The following CEMIP variants were observed in gnomAD, a reference collection of about 807,000 sequenced individuals.
CEMIP encodes the protein cell migration-inducing and hyaluronan-binding protein.
In CEMIP, 105 loss-of-function variants were observed where a neutral mutation model predicts 156.9. The observed-to-expected ratio is 0.67, with a 90% CI of 0.57 to 0.79. CEMIP has a LOEUF of 0.79. Ranked by LOEUF, CEMIP falls within the 30% of genes least tolerant of loss-of-function variation. The pLI is 0.00. For missense variants in CEMIP, 1,457 were observed against 1,769.4 expected (o/e 0.82, Z 3.17); for synonymous variants, 676 against 668.4 (o/e 1.01, Z -0.17).
Position 80,937,891 on chromosome 15 carries a change from A to T in CEMIP, c.3319A>T (p.Thr1107Ser). The change falls in exon 25 of 30, where the codon ACG becomes TCG. Residue 1107 changes from threonine (T) to serine (S), a missense_variant. This residue lies in a region of CEMIP where 798 missense variants were observed against 980.1 expected (regional missense o/e 0.81). Coordinates refer to ENST00000394685, the MANE Select transcript of CEMIP (RefSeq NM_001293298.2). ...HNRLLKQTSK[T>S]GVFVRTLQMD... ...TCGCCTGCTGAAGCAAACGTCCAAG[A>T]CGGGCGTCTTCGTGAGGACCTTGCA... The T allele has an allele frequency of 1.2e-6, 2 of 1,614,170 alleles. No individual in the cohort carries two copies. Among genetic ancestry groups the T allele is most frequent in the Non-Finnish European group, 1.7e-6 (2 of 1,180,036 alleles).
At chr15:80,896,176 A>G (rs1899217107) in intron 12 of CEMIP, 116 bp downstream of exon 12, 2 of 1,059,358 alleles carry the variant, frequency 1.9e-6, no homozygotes, top group Non-Finnish European at 2.9e-6. Context: ...ATAATGCTGC[A>G]TAACAAAAAA....
intron 1 of CEMIP, among the ~76,000 whole-genome samples, chr15:80,808,501 C>G (rs985838935): frequency 6.6e-6 from 1 of 152,088 alleles, no homozygotes; most frequent in Non-Finnish European, 1.5e-5. Context: ...TCTACCTGTA[C>G]CACACCTGTG....
At position 80,824,684 on chromosome 15, in the gene CEMIP, G is replaced by A. The variant is rs115396148; in HGVS notation, c.-176+45070G>A. ...AGCAGCCTGGCCCAACAGGGTGGCC[G>A]GTTCTTTAATATTGTCTTGATTCAC... On this transcript the variant is annotated intron_variant, in intron 1 of 29. Coordinates refer to ENST00000394685, the MANE Select transcript of CEMIP (RefSeq NM_001293298.2). Among the ~76,000 whole-genome samples the A allele has an allele frequency of 7.7e-3, 1,175 of 152,292 alleles. 16 individuals are homozygous for A. The highest frequency in any genetic ancestry group is 0.026 in the African/African-American group (1,090 of 41,556).
Position 80,840,662 on chromosome 15 carries a change from C to T in CEMIP, c.-175-32876C>T, listed in dbSNP as rs536877976. On this transcript the variant is annotated intron_variant, in intron 1 of 29. Coordinates refer to ENST00000394685, the MANE Select transcript of CEMIP (RefSeq NM_001293298.2). Reference sequence around the variant, plus strand: ...GCTGGACTGCTGGGTGTCCCTGGCCCGAGGCGTGGGAGGCCGGCCCTGGGC... The same window carrying T: ...GCTGGACTGCTGGGTGTCCCTGGCCTGAGGCGTGGGAGGCCGGCCCTGGGC... 3.9e-5 allele frequency among the ~76,000 whole-genome samples: 6 copies of T among 152,266 alleles called. No homozygotes were observed. In the South Asian group the frequency reaches 8.3e-4, roughly 21 times the overall value.
At chr15:80,826,776 G>GCTT (rs1221067187) in intron 1 of CEMIP, among the ~76,000 whole-genome samples, 2 of 152,154 alleles carry the variant, frequency 1.3e-5, no homozygotes, top group African/African-American at 4.8e-5. Context: ...TGGCATTCAT[G>GCTT]CTTCAGTGTG....
At chr15:80,835,853 T>G (rs2141690531) in intron 1 of CEMIP, among the ~76,000 whole-genome samples, 1 of 152,284 alleles carries the variant, frequency 6.6e-6, no homozygotes, top group Middle Eastern at 3.4e-3. Context: ...AGATTACAGC[T>G]TTGCCCCAAC....
intron 12 of CEMIP, chr15:80,901,054 A>T: frequency 2.3e-6 from 1 of 443,668 alleles, no homozygotes; most frequent in South Asian, 1.6e-5. Flanking sequence ...CCACAGTATG[A>T]TTACCAACAC....
chr15:80,785,758 C>T (rs1187490826), intron 1 of CEMIP, among the ~76,000 whole-genome samples: 1 of 152,178 alleles, frequency 6.6e-6, no homozygotes, highest in Admixed American at 6.5e-5. Flanking sequence ...AAGGCCTAAA[C>T]CCCTTACTTC....
intron 1 of CEMIP, among the ~76,000 whole-genome samples, chr15:80,801,365 G>C (rs1280824866): frequency 1.3e-5 from 2 of 152,210 alleles, no homozygotes; most frequent in Non-Finnish European, 2.9e-5. Context: ...GCATTGGCTA[G>C]CTCTCAATTC....
chr15:80,780,940 C>G (rs1238110797), intron 1 of CEMIP, among the ~76,000 whole-genome samples: 1 of 152,298 alleles, frequency 6.6e-6, no homozygotes, highest in Non-Finnish European at 1.5e-5. Flanking sequence ...ACTCAGGAGG[C>G]AGCCCAGCCC....
At chr15:80,800,282 G>A (rs1896343604) in intron 1 of CEMIP, among the ~76,000 whole-genome samples, 1 of 152,090 alleles carries the variant, frequency 6.6e-6, no homozygotes, top group African/African-American at 2.4e-5. Context: ...GTCGTATGGT[G>A]GGGTGTGGTT....
At chr15:80,780,283 G>A (rs1261558239) in intron 1 of CEMIP, among the ~76,000 whole-genome samples, 1 of 152,246 alleles carries the variant, frequency 6.6e-6, no homozygotes, top group Non-Finnish European at 1.5e-5. Flanking sequence ...AAGAAGGTCT[G>A]GTGGTCCCTG....
rs942104289 is a variant in CEMIP at position 80,866,516 on chromosome 15, G to A, written c.-175-7022G>A. On this transcript the variant is annotated intron_variant, in intron 1 of 29. Coordinates refer to ENST00000394685, the MANE Select transcript of CEMIP (RefSeq NM_001293298.2). ...CTGAGGCAGAGAATTGCTTGAACTCGGGAGGCAGAGGTTGCAGTGAGCTGA... is the reference window on the plus strand; with the variant it reads ...CTGAGGCAGAGAATTGCTTGAACTCAGGAGGCAGAGGTTGCAGTGAGCTGA... Among the ~76,000 whole-genome samples the A allele has an allele frequency of 1.1e-4, 16 of 152,036 alleles. No homozygotes were observed. In the East Asian group the frequency reaches 1.4e-3, roughly 13 times the overall value.
rs538941295 is a variant in CEMIP at position 80,819,412 on chromosome 15, G to A, written c.-176+39798G>A. Among the ~76,000 whole-genome samples, 7 of 152,244 alleles carry A rather than the reference G, an allele frequency of 4.6e-5. No individual in the cohort carries two copies. In the South Asian group the frequency reaches 6.2e-4, roughly 14 times the overall value. ...TGGTTCCAGATGTCTTGCTGGGTTC[G>A]GCTTGCTTATGTTTGCTTTAATCAG... On this transcript the variant is annotated intron_variant, in intron 1 of 29. Transcript: ENST00000394685.
At chr15:80,887,127 T>C (rs761315607) in intron 7 of CEMIP, among the ~76,000 whole-genome samples, 3 of 152,138 alleles carry the variant, frequency 2.0e-5, no homozygotes, top group Non-Finnish European at 2.9e-5. Context: ...CATGGAGGAA[T>C]GATGGATGTA....
At chr15:80,930,758 T>C (rs1900882080) in intron 21 of CEMIP, among the ~76,000 whole-genome samples, 1 of 152,138 alleles carries the variant, frequency 6.6e-6, no homozygotes, top group Non-Finnish European at 1.5e-5. Flanking sequence ...GAGCCCAGGG[T>C]TGAAGATCAG....
chr15:80,788,668 C>T (rs1027378441), intron 1 of CEMIP, among the ~76,000 whole-genome samples: 1 of 152,070 alleles, frequency 6.6e-6, no homozygotes, highest in Non-Finnish European at 1.5e-5. Context: ...CTTTTCCTTT[C>T]CTTTCCTTTT....
intron 1 of CEMIP, among the ~76,000 whole-genome samples, chr15:80,823,650 A>G (rs1313186610): frequency 1.3e-5 from 2 of 151,972 alleles, no homozygotes; most frequent in Non-Finnish European, 2.9e-5. Flanking sequence ...TCCCAACTCA[A>G]CCCTGATGGT....
At chr15:80,880,803 G>T (rs1898626276) in intron 5 of CEMIP, 97 bp from the exon 6 acceptor site, 1 of 963,600 alleles carries the variant, frequency 1.0e-6, no homozygotes, top group Admixed American at 1.7e-5. Flanking sequence ...GTGGTGGGGG[G>T]TCAGGGAGCT....
Sources: allele counts gnomAD v4.1 joint callset (sites outside exome capture counted in the v4.1 genomes callset), GRCh38; gene constraint gnomAD v4.1.1; regional missense constraint gnomAD v4.1.1; transcripts MANE v1.5; gene names NCBI Gene and HGNC (gene_info 2026-07-23, HGNC 2026-07-21).